Variants in MYH11 observed in about 807,000 individuals in gnomAD.
MYH11 encodes myosin-11.
Under a neutral mutation model 246.6 loss-of-function variants are expected in MYH11, and 80 were observed. The observed-to-expected ratio is 0.32, with a 90% CI of 0.27 to 0.39. MYH11 has a LOEUF of 0.39. MYH11 is among the 10% of genes least tolerant of loss of function. The pLI is 1.00. For missense variants in MYH11, 2,158 were observed against 2,546.8 expected (o/e 0.85, Z 3.29); for synonymous variants, 1,071 against 1,015.5 (o/e 1.05, Z -1.04).
At chr16:15,808,840 C>T (rs1050492395) in intron 3 of MYH11, among the ~76,000 whole-genome samples, 11 of 152,122 alleles carry the variant, frequency 7.2e-5, no homozygotes, top group Admixed American at 5.2e-4. Context: ...TTACAGGGAG[C>T]TATTATTGTG....
chr16:15,785,376 T>G (rs574595252), intron 5 of MYH11: 1 of 152,232 alleles, frequency 6.6e-6, no homozygotes, highest in Admixed American at 6.5e-5. Flanking sequence ...CAGTGGAAAC[T>G]GTGTTTAAAC....
intron 1 of MYH11, among the ~76,000 whole-genome samples, chr16:15,851,234 A>C (rs1000037320): frequency 6.6e-6 from 1 of 152,060 alleles, no homozygotes; most frequent in Non-Finnish European, 1.5e-5. Context: ...GGCACTGGGC[A>C]CTCTAAATGC....
intron 36 of MYH11, 133 bp downstream of exon 36, chr16:15,719,087 C>G: frequency 1.2e-6 from 1 of 850,304 alleles, no homozygotes. Context: ...AAGATTGTGC[C>G]ACTGCCCTCC....
At chr16:15,843,552 G>A (rs1487522829) in intron 1 of MYH11, among the ~76,000 whole-genome samples, 9 of 151,584 alleles carry the variant, frequency 5.9e-5, no homozygotes, top group Non-Finnish European at 1.0e-4. Flanking sequence ...AATTAGCCGG[G>A]CGTGGTGGCG....
chr16:15,778,618 T>C (rs2042277220), intron 7 of MYH11, among the ~76,000 whole-genome samples, 162 bp downstream of exon 7: 2 of 152,092 alleles, frequency 1.3e-5, no homozygotes, highest in South Asian at 4.1e-4. Flanking sequence ...CACACATGTA[T>C]AACCACTGCA....
At chr16:15,704,269 A>T in intron 40 of MYH11, 146 bp from the exon 41 acceptor site, 1 of 853,376 alleles carries the variant, frequency 1.2e-6, no homozygotes, top group South Asian at 1.6e-5. Flanking sequence ...GGCACAAATA[A>T]GATGCAGATA....
intron 40 of MYH11, chr16:15,708,703 G>A: frequency 7.8e-7 from 1 of 1,279,928 alleles, no homozygotes; most frequent in Non-Finnish European, 1.1e-6. Flanking sequence ...TCGTGGAAAT[G>A]TGCAAGGGTT....
At chr16:15,842,224 A>G (rs2044071270) in intron 1 of MYH11, among the ~76,000 whole-genome samples, 1 of 152,074 alleles carries the variant, frequency 6.6e-6, no homozygotes, top group Admixed American at 6.6e-5. Context: ...CATCTCTACT[A>G]AAAATACGAA....
At chr16:15,727,207 A>G (rs529612112) in intron 27 of MYH11, among the ~76,000 whole-genome samples, 153 bp from the exon 28 acceptor site, 2 of 147,346 alleles carry the variant, frequency 1.4e-5, no homozygotes, top group Non-Finnish European at 3.0e-5. Context: ...TTTTGTTGTT[A>G]TTTTTTTTTT....
At chr16:15,794,607 T>C (rs537562879) in intron 4 of MYH11, among the ~76,000 whole-genome samples, 2 of 152,260 alleles carry the variant, frequency 1.3e-5, no homozygotes, top group Non-Finnish European at 2.9e-5. Flanking sequence ...ATCAAGATAG[T>C]TCGTGGTGGA....
intron 36 of MYH11, 80 bp downstream of exon 36, chr16:15,719,140 A>G: frequency 1.4e-6 from 2 of 1,434,872 alleles, no homozygotes; most frequent in Non-Finnish European, 1.9e-6. Flanking sequence ...AAAAATTTAA[A>G]AAATAAAATG....
At chr16:15,731,467 A>G (rs1472745991) in intron 27 of MYH11, among the ~76,000 whole-genome samples, 1 of 151,710 alleles carries the variant, frequency 6.6e-6, no homozygotes, top group Admixed American at 6.6e-5. Flanking sequence ...GACATACTGT[A>G]TGAGAAGCAT....
At chr16:15,727,887 C>T (rs1176643530) in intron 27 of MYH11, among the ~76,000 whole-genome samples, 1 of 152,132 alleles carries the variant, frequency 6.6e-6, no homozygotes, top group Non-Finnish European at 1.5e-5. Context: ...GGCAGGCTTG[C>T]TTGAGCCCAG....
intron 1 of MYH11, among the ~76,000 whole-genome samples, chr16:15,856,044 C>A (rs760607574): frequency 1.1e-4 from 16 of 152,174 alleles, no homozygotes; most frequent in Non-Finnish European, 1.9e-4. Flanking sequence ...GCAGTAGCCA[C>A]ACTTTCTCTC....
At chr16:15,728,885 G>A (rs1165121282) in intron 27 of MYH11, among the ~76,000 whole-genome samples, 1 of 151,818 alleles carries the variant, frequency 6.6e-6, no homozygotes, top group African/African-American at 2.4e-5. Flanking sequence ...GGGCGACAGA[G>A]TGAGACTTTG....
In MYH11 at chr16:15,757,905, G is replaced by A; in HGVS notation, c.1497C>T (p.Tyr499=). Residue 499 remains tyrosine, a synonymous_variant, in exon 13 of 41, where the codon TAC becomes TAT. Transcript: ENST00000300036. ...AGTTCCACTCGATGCCCTCGCGCTGGTACTCCTCCTGCTCCAGGATGAACA... is the reference window on the plus strand; with the variant it reads ...AGTTCCACTCGATGCCCTCGCGCTGATACTCCTCCTGCTCCAGGATGAACA... ...HTMFILEQEE[Y]QREGIEWNFI... is the part of the protein sequence containing the mutation. 3 of 1,614,184 alleles carry A rather than the reference G, an allele frequency of 1.9e-6. No homozygotes were observed. The highest frequency in any genetic ancestry group is 1.7e-6 in the Non-Finnish European group (2 of 1,180,032).
At chr16:15,790,408 G>T (rs1299969268) in intron 4 of MYH11, among the ~76,000 whole-genome samples, 2 of 152,054 alleles carry the variant, frequency 1.3e-5, no homozygotes, top group African/African-American at 4.8e-5. Context: ...CTGGGATGGG[G>T]AGTGGGACAT....
chr16:15,819,544 T>C (rs2043349638), intron 3 of MYH11, among the ~76,000 whole-genome samples: 1 of 152,176 alleles, frequency 6.6e-6, no homozygotes, highest in Admixed American at 6.5e-5. Context: ...CCAGGCTGTG[T>C]GCTCCTTATG....
Position 15,738,590 on chromosome 16 carries a change from A to T in MYH11, c.3096T>A (p.His1032Gln). ...AKNLTKLKNK[H>Q]ESMISELEVR... is the part of the protein sequence containing the mutation. ...CTTCCAGTTCTGAAATCATAGATTC[A>T]TGCTTGTTTTTCAGCTTGGTAAGAT... is the stretch of plus-strand genomic sequence containing the variant. The change falls in exon 24 of 41, where the codon CAT becomes CAA. Residue 1032 changes from histidine to glutamine, a missense_variant. By Grantham distance (24) the His-to-Gln change is conservative (BLOSUM62 0). This residue lies in a region of MYH11 where 284 missense variants were observed against 315.4 expected (regional missense o/e 0.90). Transcript: ENST00000300036. The T allele has an allele frequency of 6.2e-7, 1 of 1,613,906 alleles. No individual in the cohort carries two copies. Among genetic ancestry groups the T allele is most frequent in the South Asian group, 1.1e-5 (1 of 90,968 alleles).
Sources: allele counts gnomAD v4.1 joint callset (sites outside exome capture counted in the v4.1 genomes callset), GRCh38; gene constraint gnomAD v4.1.1; regional missense constraint gnomAD v4.1.1; transcripts MANE v1.5; gene names NCBI Gene and HGNC (gene_info 2026-07-23, HGNC 2026-07-21).